CPEB3: variants seen among roughly 807,000 people sequenced by gnomAD.
CPEB3 encodes the protein cytoplasmic polyadenylation element-binding protein 3.
A neutral mutation model predicts 67.2 loss-of-function variants in CPEB3; 20 were observed. That is an observed-to-expected ratio of 0.30 (90% CI 0.21 to 0.43). The LOEUF (loss-of-function observed/expected upper bound fraction) is 0.43, where lower values mean the gene tolerates loss of function less well. CPEB3 is among the 20% of genes least tolerant of loss of function. The probability of loss-of-function intolerance (pLI) is 1.00; values close to 1 mark genes in which losing one functional copy is unlikely to be tolerated. For missense variants in CPEB3, 746 were observed against 968.6 expected (o/e 0.77, Z 3.05); for synonymous variants, 376 against 393.1 (o/e 0.96, Z 0.51).
intron 2 of CPEB3, among the ~76,000 whole-genome samples, chr10:92,236,705 T>C (rs1246944390): frequency 3.3e-5 from 5 of 152,060 alleles, no homozygotes; most frequent in Non-Finnish European, 5.9e-5. Flanking sequence ...GCCGAGATCA[T>C]GCCACTGCAC....
At chr10:92,086,634 G>A (rs1330361755) in intron 8 of CPEB3, among the ~76,000 whole-genome samples, 2 of 152,200 alleles carry the variant, frequency 1.3e-5, no homozygotes, top group African/African-American at 4.8e-5. Context: ...AGAGCTCTGG[G>A]CACACTGCTG....
intron 4 of CPEB3, among the ~76,000 whole-genome samples, chr10:92,146,201 A>G (rs1288773637): frequency 1.3e-5 from 2 of 152,216 alleles, no homozygotes; most frequent in South Asian, 2.1e-4. Context: ...CCACATGACT[A>G]TAAGAAAGAT....
chr10:92,257,862 T>C (rs1302971970), intron 1 of CPEB3, among the ~76,000 whole-genome samples: 1 of 151,334 alleles, frequency 6.6e-6, no homozygotes, highest in Non-Finnish European at 1.5e-5. Flanking sequence ...CCTGAGTAGC[T>C]GGGATCACAG....
intron 4 of CPEB3, among the ~76,000 whole-genome samples, chr10:92,158,394 T>G (rs1237356986): frequency 6.6e-6 from 1 of 152,142 alleles, no homozygotes; most frequent in Non-Finnish European, 1.5e-5. Context: ...AAAAACTGAT[T>G]TATAAATCTT....
At chr10:92,072,800 T>C (rs910597458) in intron 9 of CPEB3, among the ~76,000 whole-genome samples, 1 of 152,062 alleles carries the variant, frequency 6.6e-6, no homozygotes, top group African/African-American at 2.4e-5. Flanking sequence ...TCTATTAGAG[T>C]TCTAGGGAGC....
chr10:92,246,450 C>G (rs1852072956), intron 1 of CPEB3, among the ~76,000 whole-genome samples: 1 of 152,006 alleles, frequency 6.6e-6, no homozygotes, highest in Non-Finnish European at 1.5e-5. Context: ...AATAATCCTT[C>G]ATAACATCCT....
At chr10:92,144,492 C>A (rs1050759287) in intron 5 of CPEB3, among the ~76,000 whole-genome samples, 3 of 152,102 alleles carry the variant, frequency 2.0e-5, no homozygotes, top group Non-Finnish European at 4.4e-5. Flanking sequence ...TCTTGAACCC[C>A]TGGGCTCAAG....
intron 6 of CPEB3, chr10:92,118,870 T>C: frequency 1.2e-6 from 1 of 808,140 alleles, no homozygotes. Flanking sequence ...TCTGCCACCA[T>C]GACACTGGTA....
intron 4 of CPEB3, among the ~76,000 whole-genome samples, chr10:92,176,850 CA>C (rs1443785173): frequency 1.3e-5 from 2 of 152,254 alleles, no homozygotes; most frequent in Non-Finnish European, 2.9e-5. Flanking sequence ...ACACCTAGAA[CA>C]AACTTGTCGA....
chr10:92,145,029 G>A lies in CPEB3; in HGVS notation c.1279C>T (p.Pro427Ser), dbSNP rs776166781. 1.2e-6 allele frequency: 2 copies of A among 1,614,058 alleles called. No homozygotes were observed. The highest frequency in any genetic ancestry group is 8.5e-7 in the Non-Finnish European group (1 of 1,179,950). The change falls in exon 5 of 10, where the codon CCC becomes TCC. Residue 427 changes from proline to serine, a missense_variant. Physicochemically the swap from Pro to Ser is moderately conservative, Grantham distance 74. Coordinates refer to ENST00000265997, the MANE Select transcript of CPEB3 (RefSeq NM_014912.5). The part of the protein sequence containing the change: ...DQALSSGLSS[P>S]TRCQNGERVE... ...CGTTCCCCATTTTGACAGCGAGTGG[G>A]AGAACTTAAGCCAGATGACAAGGCT...
intron 9 of CPEB3, among the ~76,000 whole-genome samples, chr10:92,080,816 G>C (rs1843122052): frequency 3.3e-5 from 5 of 152,004 alleles, no homozygotes; most frequent in Non-Finnish European, 1.5e-5. Flanking sequence ...AGGATGGTTT[G>C]GTCTCGATCT....
intron 3 of CPEB3, among the ~76,000 whole-genome samples, chr10:92,191,892 G>C (rs1490017487): frequency 1.2e-4 from 18 of 152,094 alleles, no homozygotes; most frequent in Admixed American, 1.1e-3. Flanking sequence ...TCCTAATATT[G>C]CTAACTTTGA....
At chr10:92,150,789 T>C (rs973233888) in intron 4 of CPEB3, among the ~76,000 whole-genome samples, 4 of 152,140 alleles carry the variant, frequency 2.6e-5, no homozygotes, top group African/African-American at 7.2e-5. Context: ...AAGACCAAAA[T>C]GTGTTAAGCA....
chr10:92,137,955 G>T (rs187459792), intron 6 of CPEB3: 2 of 155,782 alleles, frequency 1.3e-5, no homozygotes, highest in African/African-American at 4.8e-5. Flanking sequence ...AGCCGAGATC[G>T]CACAACTGCA....
chr10:92,254,516 GT>G (rs570868135), intron 1 of CPEB3, among the ~76,000 whole-genome samples: 1 of 152,046 alleles, frequency 6.6e-6, no homozygotes, highest in Non-Finnish European at 1.5e-5. Flanking sequence ...AGCACCTTGG[GT>G]TTTTTTATGT....
chr10:92,057,711 G>A (rs1008385233), intron 9 of CPEB3, among the ~76,000 whole-genome samples: 14 of 152,228 alleles, frequency 9.2e-5, no homozygotes, highest in African/African-American at 3.4e-4. Flanking sequence ...CCACAGGGGT[G>A]CTTGTGTCAC....
chr10:92,141,641 A>T (rs982676552), intron 6 of CPEB3, among the ~76,000 whole-genome samples: 4 of 151,550 alleles, frequency 2.6e-5, no homozygotes, highest in African/African-American at 9.7e-5. Context: ...TAATAATAAA[A>T]AATAATAATA....
At chr10:92,130,055 A>G (rs1845775396) in intron 6 of CPEB3, among the ~76,000 whole-genome samples, 1 of 151,792 alleles carries the variant, frequency 6.6e-6, no homozygotes, top group Admixed American at 6.6e-5. Context: ...CAAACAAAAA[A>G]CAAATTACAG....
chr10:92,053,806 G>T (rs1489627461), intron 9 of CPEB3, among the ~76,000 whole-genome samples: 1 of 151,938 alleles, frequency 6.6e-6, no homozygotes, highest in Non-Finnish European at 1.5e-5. Context: ...CTCCCAAAGT[G>T]CTGGGATTAC....
Sources: gnomAD v4.1 joint callset for allele counts (sites outside exome capture counted in the v4.1 genomes callset) on GRCh38, gnomAD v4.1.1 for gene constraint, MANE v1.5 for transcripts, NCBI Gene and HGNC (gene_info 2026-07-23, HGNC 2026-07-21) for gene names.